Variants in TRIM3 observed in about 807,000 individuals in gnomAD.
TRIM3 encodes tripartite motif-containing protein 3.
In TRIM3, 13 loss-of-function variants were observed where a neutral mutation model predicts 66.6. The ratio of observed to expected loss-of-function variants is 0.20; its 90% CI spans 0.13 to 0.31. The LOEUF is 0.31. Ranked by LOEUF, TRIM3 falls within the 10% of genes least tolerant of loss-of-function variation. The pLI, the probability that TRIM3 is intolerant of heterozygous loss-of-function variation, is 1.00. For synonymous variants in TRIM3, 406 were observed against 411.7 expected, an observed-to-expected ratio of 0.99 and a Z score of 0.17; for missense variants, 711 against 1,020.4, an observed-to-expected ratio of 0.70 and a Z score of 4.13.
chr11:6,464,762 G>A (rs754572536), intron 2 of TRIM3, among the ~76,000 whole-genome samples: 2 of 152,202 alleles, frequency 1.3e-5, no homozygotes, highest in African/African-American at 2.4e-5. Flanking sequence ...CGAGGTAGGC[G>A]GATTGCCTGA....
Position 6,458,424 on chromosome 11 carries a change from C to T in TRIM3, c.132-128G>A, listed in dbSNP as rs527372859. On this transcript the variant is annotated intron_variant, in intron 2 of 11. Transcript: ENST00000345851. This position sits in a 1 kb window ranked among gnomAD's most constrained non-coding sequence, Gnocchi z 6.2. ...CATTACACTTCATTTTAAAACCTCT[C>T]TGCTTGACACATCTCATCTGCCAGC... The T allele has an allele frequency of 1.4e-6, 1 of 731,658 alleles. No individual in the cohort carries two copies. Among genetic ancestry groups the T allele is most frequent in the South Asian group, 1.9e-5 (1 of 53,918 alleles). The allele number at this position is 731,658 out of a possible 1,614,324, so 45.3% of individuals were successfully genotyped here.
intron 8 of TRIM3, 30 bp downstream of exon 8, chr11:6,451,240 AG>A (rs3830325): frequency 1.2e-6 from 2 of 1,613,348 alleles, no homozygotes; most frequent in East Asian, 2.2e-5. Context: ...GCTGGACACC[AG>A]GGTAAGTAAA....
chr11:6,467,052 C>T (rs990125792), intron 1 of TRIM3, among the ~76,000 whole-genome samples: 1 of 151,986 alleles, frequency 6.6e-6, no homozygotes, highest in African/African-American at 2.4e-5. Context: ...CTACTTTGTA[C>T]AGGTGTTAGG....
intron 7 of TRIM3, among the ~76,000 whole-genome samples, chr11:6,455,338 G>C (rs771376691): frequency 1.5e-4 from 23 of 152,152 alleles, no homozygotes; most frequent in Non-Finnish European, 1.6e-4. Flanking sequence ...TCAAGCTCAG[G>C]TGTCTGGTTT....
chr11:6,450,367 C>T lies in TRIM3; in HGVS notation c.1941+184G>A, dbSNP rs778191486. The T allele has an allele frequency of 1.0e-4, 63 of 612,206 alleles. 1 individual carries two copies. In the East Asian group the frequency reaches 1.3e-3, roughly 12 times the overall value. The allele number at this position is 612,206 out of a possible 1,614,324, so 37.9% of individuals were successfully genotyped here. A position where few individuals can be genotyped will look rare whatever the true frequency, so the allele number is the denominator to read the frequency against. On this transcript the variant is annotated intron_variant, in intron 10 of 11. Transcript: ENST00000345851. This position sits in a 1 kb window ranked among gnomAD's most constrained non-coding sequence, Gnocchi z 4.8. Reference sequence around the variant, plus strand: ...AGACACAGAATACATTTGCTTTGTGCATCACTGTATCTCCAGCTTCTAGCA... The same window carrying T: ...AGACACAGAATACATTTGCTTTGTGTATCACTGTATCTCCAGCTTCTAGCA...
Position 6,449,128 on chromosome 11 carries a change from GGTTCTGCAGAT to G in TRIM3, c.2124_2134del (p.Ser709ThrfsTer19). The G allele has an allele frequency of 6.2e-7, 1 of 1,614,192 alleles. No individual in the cohort carries two copies. The highest frequency in any genetic ancestry group is 8.5e-7 in the Non-Finnish European group (1 of 1,180,008). On this transcript the variant is annotated frameshift_variant, in exon 12 of 12. Coordinates refer to ENST00000345851, the MANE Select transcript of TRIM3 (RefSeq NM_033278.4). LOFTEE classifies it high-confidence loss of function. This position sits in a 1 kb window ranked among gnomAD's most constrained non-coding sequence, Gnocchi z 5.3. Reference sequence around the variant, plus strand: ...TGCCAGGCCCTGTGGACCATACAGTGGTTCTGCAGATGTGTTGATATAGGACAGGAAGGAGC... The same window carrying G: ...TGCCAGGCCCTGTGGACCATACAGTGGTGTTGATATAGGACAGGAAGGAGC...
chr11:6,450,685 T>C lies in TRIM3; in HGVS notation c.1871-64A>G, dbSNP rs1849683626. 6.5e-7 allele frequency: 1 copy of C among 1,531,066 alleles called. No homozygotes were observed. The highest frequency in any genetic ancestry group is 1.4e-5 in the African/African-American group (1 of 73,272). 94.8% of individuals were successfully genotyped at this position (1,531,066 alleles called of 1,614,324 possible). A position where few individuals can be genotyped will look rare whatever the true frequency, so the allele number is the denominator to read the frequency against. On this transcript the variant is annotated intron_variant, in intron 9 of 11. Coordinates refer to ENST00000345851, the MANE Select transcript of TRIM3 (RefSeq NM_033278.4). This position sits in a 1 kb window ranked among gnomAD's most constrained non-coding sequence, Gnocchi z 4.8. ...ATGCTGAGTGGGATGGGGAAGAGTA[T>C]CTGGGAAGATAAAAGCTAGGGTGTT...
intron 1 of TRIM3, among the ~76,000 whole-genome samples, chr11:6,470,654 C>T (rs533058603): frequency 5.3e-5 from 8 of 152,266 alleles, no homozygotes; most frequent in South Asian, 4.1e-4. Flanking sequence ...TGGAAAGATA[C>T]GCTGAAGCCT....
At position 6,456,564 on chromosome 11, in the gene TRIM3, G is replaced by A; in HGVS notation, c.1162C>T (p.Leu388=). 6.2e-7 allele frequency: 1 copy of A among 1,612,754 alleles called. No individual in the cohort carries two copies. Among genetic ancestry groups the A allele is most frequent in the Non-Finnish European group, 8.5e-7 (1 of 1,179,740 alleles). The change falls in exon 6 of 12, where the codon CTA becomes TTA. Residue 388 remains leucine (L), a synonymous_variant. Transcript: ENST00000345851. This position sits in a 1 kb window ranked among gnomAD's most constrained non-coding sequence, Gnocchi z 6.4. ...CCTTCCGTGCGCGCTGTGTACACTA[G>A]CTCATATGTGCCATTCTTGTGGTCC... ...VVDHKNGTYE[L]VYTARTEGEL...
At chr11:6,467,183 A>G (rs895734690) in intron 1 of TRIM3, among the ~76,000 whole-genome samples, 17 of 152,230 alleles carry the variant, frequency 1.1e-4, no homozygotes, top group African/African-American at 3.9e-4. Flanking sequence ...GCTGTGAGAA[A>G]GAACACTTTT....
Position 6,458,581 on chromosome 11 carries a change from T to C in TRIM3, c.132-285A>G, listed in dbSNP as rs140026591. ...CACAGGTGTTTACAAATGCTTCTCA[T>C]AGGAATGTGCAACTAGGCACCCCCT... On this transcript the variant is annotated intron_variant, in intron 2 of 11. Coordinates refer to ENST00000345851, the MANE Select transcript of TRIM3 (RefSeq NM_033278.4). The surrounding 1 kb of genome is among the most constrained non-coding windows in gnomAD (Gnocchi z 6.2). 1.5e-3 allele frequency among the ~76,000 whole-genome samples: 231 copies of C among 152,302 alleles called. No individual in the cohort carries two copies. The highest frequency in any genetic ancestry group is 7.3e-3 in the South Asian group (35 of 4,826).
intron 1 of TRIM3, among the ~76,000 whole-genome samples, chr11:6,471,452 G>C (rs759259818): frequency 2.6e-5 from 4 of 152,182 alleles, no homozygotes; most frequent in Admixed American, 6.5e-5. Context: ...CTTTAAATAA[G>C]ATTAGCAGGG....
In TRIM3 at chr11:6,450,947, A is replaced by G. The variant is rs1193494233; in HGVS notation, c.1815T>C (p.Asn605=). The change falls in exon 9 of 12, where the codon AAT becomes AAC. Residue 605 remains asparagine, a synonymous_variant. Transcript: ENST00000345851. The surrounding 1 kb of genome is among the most constrained non-coding windows in gnomAD (Gnocchi z 4.8). ...CCCCAAAACGGCCAACCAGTTTGCC[A>G]TTGGGCTGGAAGGTAAAGACGCAGC... is the stretch of plus-strand genomic sequence containing the variant. ...KSCCVFTFQP[N]GKLVGRFGGR... The G allele has an allele frequency of 6.2e-7, 1 of 1,614,180 alleles. No individual in the cohort carries two copies.
chr11:6,457,443 G>C lies in TRIM3; in HGVS notation c.549C>G (p.Val183=). 6.2e-7 allele frequency: 1 copy of C among 1,613,200 alleles called. No homozygotes were observed. The change falls in exon 5 of 12, where the codon GTC becomes GTG. Residue 183 remains valine, a synonymous_variant. Coordinates refer to ENST00000345851, the MANE Select transcript of TRIM3 (RefSeq NM_033278.4). This position sits in a 1 kb window ranked among gnomAD's most constrained non-coding sequence, Gnocchi z 4.5. ...CCTGCAGCTGCTGGCTGATGCCCCCGACTAAGGCAATTGCTGCGGACAGCT... is the reference window on the plus strand; with the variant it reads ...CCTGCAGCTGCTGGCTGATGCCCCCCACTAAGGCAATTGCTGCGGACAGCT... The part of the protein sequence containing the change: ...LPQLSAAIAL[V]GGISQQLQER...
intron 7 of TRIM3, chr11:6,453,135 C>T (rs1849803777): frequency 6.6e-6 from 1 of 152,184 alleles, no homozygotes; most frequent in Non-Finnish European, 1.5e-5. Context: ...GCACTTGCAG[C>T]ACTGATATGG....
At chr11:6,459,179 G>C (rs1850117550) in intron 2 of TRIM3, among the ~76,000 whole-genome samples, 1 of 152,184 alleles carries the variant, frequency 6.6e-6, no homozygotes, top group Non-Finnish European at 1.5e-5. Flanking sequence ...AGAGGGGGAA[G>C]GGTAGTCCAG....
In TRIM3 at chr11:6,456,856, T is replaced by C; in HGVS notation, c.870A>G (p.Pro290=). The change falls in exon 6 of 12, where the codon CCA becomes CCG. Residue 290 remains proline, a synonymous_variant. Transcript: ENST00000345851. The surrounding 1 kb of genome is among the most constrained non-coding windows in gnomAD (Gnocchi z 6.4). ...ALAAQAFPER[P]HENAQLELVL... ...CCAGTTCCAGCTGTGCATTCTCATGTGGCCGCTCCGGGAAGGCCTGTGCCG... is the reference window on the plus strand; with the variant it reads ...CCAGTTCCAGCTGTGCATTCTCATGCGGCCGCTCCGGGAAGGCCTGTGCCG... The C allele has an allele frequency of 1.1e-5, 17 of 1,612,972 alleles. No individual in the cohort carries two copies. Among genetic ancestry groups the C allele is most frequent in the Non-Finnish European group, 1.4e-5 (17 of 1,179,956 alleles).
chr11:6,468,244 T>C (rs559190435), intron 1 of TRIM3, among the ~76,000 whole-genome samples: 1 of 152,306 alleles, frequency 6.6e-6, no homozygotes, highest in South Asian at 2.1e-4. Flanking sequence ...ATAGAGACAG[T>C]GAAAGCTGAG....
chr11:6,474,057 G>A (rs1167116126), upstream of TRIM3: 8 of 89,880 alleles, frequency 8.9e-5, no homozygotes, highest in South Asian at 3.9e-4. Context: ...CACCCCGCCT[G>A]CCCACCCCTA....
Sources: gnomAD v4.1 joint callset for allele counts (sites outside exome capture counted in the v4.1 genomes callset) on GRCh38, gnomAD v4.1.1 for gene constraint, Gnocchi (gnomAD v3.1) non-coding constraint, MANE v1.5 for transcripts, NCBI Gene and HGNC (gene_info 2026-07-23, HGNC 2026-07-21) for gene names.